The following SLC22A15 variants were observed in gnomAD, a reference collection of about 807,000 sequenced individuals.
The protein encoded by SLC22A15 is solute carrier family 22 member 15, also known as flipt 1.
In SLC22A15, 45 loss-of-function variants were observed where a neutral mutation model predicts 62.7. That is an observed-to-expected ratio of 0.72 (90% confidence interval 0.56 to 0.92). The LOEUF is 0.92. SLC22A15 is among the 40% of genes least tolerant of loss of function. The pLI is 0.00. For missense variants in SLC22A15, 622 were observed against 665.6 expected (o/e 0.93, Z 0.72); for synonymous variants, 264 against 267.0 (o/e 0.99, Z 0.11).
chr1:116,034,819 A>G (rs1419954250), intron 6 of SLC22A15, among the ~76,000 whole-genome samples: 1 of 152,208 alleles, frequency 6.6e-6, no homozygotes, highest in Non-Finnish European at 1.5e-5. Context: ...ACAACTATCT[A>G]TAACAAGTGT....
At chr1:116,021,695 T>C (rs924072350) in intron 4 of SLC22A15, among the ~76,000 whole-genome samples, 2 of 152,218 alleles carry the variant, frequency 1.3e-5, no homozygotes, top group Non-Finnish European at 1.5e-5. Context: ...ATCTCTTATG[T>C]ACCAGCTACC....
chr1:115,994,221 T>C (rs2101104533), intron 2 of SLC22A15, among the ~76,000 whole-genome samples: 1 of 152,222 alleles, frequency 6.6e-6, no homozygotes, highest in Non-Finnish European at 1.5e-5. Flanking sequence ...TTGCTACCAC[T>C]CCTAACCTAT....
intron 1 of SLC22A15, among the ~76,000 whole-genome samples, chr1:115,978,465 G>A (rs1451298644): frequency 6.6e-6 from 1 of 152,196 alleles, no homozygotes; most frequent in Admixed American, 6.5e-5. Flanking sequence ...TGCGGTACAA[G>A]GACCAGGTCT....
intron 5 of SLC22A15, 109 bp downstream of exon 5, chr1:116,027,131 G>T: frequency 9.3e-7 from 1 of 1,070,302 alleles, no homozygotes. Flanking sequence ...TGCCTGCACT[G>T]ACTTTGGTGA....
chr1:116,028,071 A>C (rs1036736177), intron 5 of SLC22A15, among the ~76,000 whole-genome samples: 1 of 152,218 alleles, frequency 6.6e-6, no homozygotes, highest in Non-Finnish European at 1.5e-5. Context: ...GACCTGTAGT[A>C]GTGTTTTAAT....
intron 8 of SLC22A15, among the ~76,000 whole-genome samples, chr1:116,046,379 A>T (rs1657930516): frequency 6.6e-6 from 1 of 152,232 alleles, no homozygotes; most frequent in Non-Finnish European, 1.5e-5. Context: ...TCCAGAATAT[A>T]GAAAGGACTC....
chr1:115,984,655 T>A (rs1654767682), intron 1 of SLC22A15, among the ~76,000 whole-genome samples: 1 of 152,260 alleles, frequency 6.6e-6, no homozygotes, highest in Non-Finnish European at 1.5e-5. Context: ...CTCAGGCAGA[T>A]TCTTCGGGAG....
At chr1:116,017,372 A>AC (rs1656591528) in intron 2 of SLC22A15, 1 of 151,216 alleles carries the variant, frequency 6.6e-6, no homozygotes, top group Non-Finnish European at 1.5e-5. Context: ...CCCTGCCAAA[A>AC]AAAAAAAAAA....
chr1:116,066,735 C>G (rs778960362), intron 11 of SLC22A15, 27 bp downstream of exon 11: 43 of 1,577,652 alleles, frequency 2.7e-5, no homozygotes, highest in Admixed American at 1.5e-4. Context: ...AATTATTATA[C>G]CGCTTGGATA....
At chr1:116,057,622 G>T (rs1387182231) in intron 8 of SLC22A15, among the ~76,000 whole-genome samples, 1 of 152,136 alleles carries the variant, frequency 6.6e-6, no homozygotes, top group African/African-American at 2.4e-5. Flanking sequence ...GTTTATTGCG[G>T]CACTATTCAC....
intron 8 of SLC22A15, among the ~76,000 whole-genome samples, chr1:116,053,919 A>T (rs1444729518): frequency 6.6e-6 from 1 of 152,128 alleles, no homozygotes; most frequent in African/African-American, 2.4e-5. Flanking sequence ...AAACATGGAA[A>T]GGAACAACCG....
chr1:116,012,311 C>T (rs1656311984), intron 2 of SLC22A15, among the ~76,000 whole-genome samples: 1 of 152,084 alleles, frequency 6.6e-6, no homozygotes, highest in South Asian at 2.1e-4. Flanking sequence ...GTCAGTATGA[C>T]AGAGGTCCTT....
intron 2 of SLC22A15, 29 bp downstream of exon 2, chr1:115,992,272 T>C: frequency 6.6e-7 from 1 of 1,516,324 alleles, no homozygotes; most frequent in Non-Finnish European, 9.0e-7. Context: ...AATCACTAAA[T>C]AAATGTCTCT....
chr1:116,038,193 C>T (rs72996741), intron 8 of SLC22A15, among the ~76,000 whole-genome samples: 19 of 152,204 alleles, frequency 1.2e-4, no homozygotes, highest in Admixed American at 3.3e-4. Context: ...GTCTTAGGGG[C>T]TTTTGGATTT....
chr1:115,989,076 A>C (rs1282807866), intron 1 of SLC22A15, among the ~76,000 whole-genome samples: 2 of 151,700 alleles, frequency 1.3e-5, no homozygotes, highest in African/African-American at 2.4e-5. Flanking sequence ...TGGTGGCATA[A>C]AGCTGTGGAC....
intron 8 of SLC22A15, 92 bp downstream of exon 8, chr1:116,037,480 C>T: frequency 1.1e-6 from 1 of 923,548 alleles, no homozygotes. Context: ...TGGCATGCTT[C>T]ATTTCTGTGA....
chr1:116,066,637 G>A lies in SLC22A15; in HGVS notation c.1483G>A (p.Asp495Asn), dbSNP rs1220257910. ...LNSPLLETFS[D>N]LQVYSYRRLG... ...CAGTCCGCTGCTAGAAACATTCTCC[G>A]ACCTTCAGGTGTATTCGTATCGCAG... is the stretch of plus-strand genomic sequence containing the variant. Residue 495 changes from aspartate (D) to asparagine (N), a missense_variant, in exon 11 of 12, where the codon GAC (aspartate) becomes AAC (asparagine). Physicochemically the swap from Asp to Asn is conservative, Grantham distance 23. Transcript: ENST00000369503. 1.6e-5 allele frequency: 25 copies of A among 1,612,330 alleles called. No homozygotes were observed. Among genetic ancestry groups the A allele is most frequent in the Non-Finnish European group, 2.0e-5 (24 of 1,179,328 alleles).
chr1:116,044,898 TAATA>T (rs1657888524), intron 8 of SLC22A15, among the ~76,000 whole-genome samples: 1 of 152,122 alleles, frequency 6.6e-6, no homozygotes, highest in African/African-American at 2.4e-5. Context: ...ATAGCAATAA[TAATA>T]AATAAATAGA....
chr1:116,043,431 A>C (rs1052583293), intron 8 of SLC22A15, among the ~76,000 whole-genome samples: 2 of 152,182 alleles, frequency 1.3e-5, no homozygotes, highest in Admixed American at 6.5e-5. Flanking sequence ...GTCTCAAAAA[A>C]ATATAAAGTA....
Sources: allele counts gnomAD v4.1 joint callset (sites outside exome capture counted in the v4.1 genomes callset), GRCh38; gene constraint gnomAD v4.1.1; transcripts MANE v1.5; gene names NCBI Gene and HGNC (gene_info 2026-07-23, HGNC 2026-07-21).